Variants in KCNT1 observed in about 807,000 individuals in gnomAD.
The protein encoded by KCNT1 is potassium sodium-activated channel subfamily T member 1, also known as potassium channel subfamily T member 1.
KCNT1 carries 78 observed loss-of-function variants against 147.8 expected under a neutral mutation model. The observed-to-expected ratio is 0.53, with a 90% CI of 0.44 to 0.64. KCNT1 has a LOEUF of 0.64. Among genes scored for constraint, KCNT1 ranks in the 30% least tolerant of loss-of-function variants. The pLI is 0.00. For missense variants in KCNT1, 1,419 were observed against 1,750.3 expected, an observed-to-expected ratio of 0.81 and a Z score of 3.38; for synonymous variants, 867 against 748.8, an observed-to-expected ratio of 1.16 and a Z score of -2.58.
At chr9:135,780,750 G>T (rs558072369) in intron 24 of KCNT1, among the ~76,000 whole-genome samples, 2 of 152,220 alleles carry the variant, frequency 1.3e-5, no homozygotes, top group South Asian at 2.1e-4. Context: ...CGGCAGAGGG[G>T]TGTGCTCTGC....
chr9:135,726,982 TCTCTCTCC>T (rs1372948274), intron 2 of KCNT1, among the ~76,000 whole-genome samples: 1 of 120,554 alleles, frequency 8.3e-6, no homozygotes, highest in African/African-American at 3.2e-5. Context: ...TTTCCCATTC[TCTCTCTCC>T]CTCTCTCCCT....
chr9:135,724,642 C>T (rs1836057247), intron 2 of KCNT1, among the ~76,000 whole-genome samples: 1 of 152,372 alleles, frequency 6.6e-6, no homozygotes, highest in East Asian at 1.9e-4. Flanking sequence ...TGAATCATTT[C>T]CCAGTGGAAG....
intron 19 of KCNT1, 126 bp downstream of exon 19, chr9:135,773,075 G>A: frequency 4.9e-6 from 3 of 606,344 alleles, no homozygotes; most frequent in Non-Finnish European, 7.8e-6. Flanking sequence ...CAGCTCCGTG[G>A]AAGTCCTTGT....
chr9:135,761,645 G>T (rs10120884), intron 11 of KCNT1, among the ~76,000 whole-genome samples: 42,625 of 152,194 alleles, frequency 0.28, 6,717 homozygotes, highest in Non-Finnish European at 0.35. Context: ...TCCCTGGTCC[G>T]CCCCGGCCCA....
At chr9:135,704,572 C>T (rs1189145416) in intron 1 of KCNT1, among the ~76,000 whole-genome samples, 2 of 152,220 alleles carry the variant, frequency 1.3e-5, no homozygotes, top group African/African-American at 4.8e-5. Flanking sequence ...AGGGAGGGAC[C>T]AGTGGCCCTG....
intron 27 of KCNT1, 79 bp downstream of exon 27, chr9:135,784,968 T>C (rs1833928168): frequency 1.3e-6 from 2 of 1,551,348 alleles, no homozygotes; most frequent in African/African-American, 2.7e-5. Context: ...TTCCGGGGGC[T>C]GGGACTGTGG....
At position 135,777,452 on chromosome 9, in the gene KCNT1, C is replaced by A. The variant is rs746067661; in HGVS notation, c.2464C>A (p.Arg822=). The change falls in exon 21 of 31, where the codon CGG becomes AGG. Residue 822 remains arginine, a synonymous_variant. Transcript: ENST00000371757. ...NGLYNFIVPL[R]AYYRSRKELN... ...GCTGTACAACTTCATCGTGCCACTG[C>A]GGGCCTACTACAGATCCCGCAAGGA... 6.2e-7 allele frequency: 1 copy of A among 1,613,916 alleles called. No individual in the cohort carries two copies. Among genetic ancestry groups the A allele is most frequent in the African/African-American group, 1.3e-5 (1 of 74,904 alleles).
At chr9:135,786,039 T>TG (rs1161840574) in intron 28 of KCNT1, 158 bp from the exon 29 acceptor site, 3 of 637,802 alleles carry the variant, frequency 4.7e-6, no homozygotes, top group Non-Finnish European at 8.1e-6. Context: ...ACATGCACCC[T>TG]GGGGTCTGTC....
chr9:135,761,363 C>T (rs1831901117), intron 11 of KCNT1, among the ~76,000 whole-genome samples: 1 of 152,196 alleles, frequency 6.6e-6, no homozygotes, highest in African/African-American at 2.4e-5. Context: ...CCCCCACACC[C>T]TGCATTCTGC....
At chr9:135,761,962 G>T (rs1176944405) in intron 11 of KCNT1, among the ~76,000 whole-genome samples, 1 of 152,226 alleles carries the variant, frequency 6.6e-6, no homozygotes, top group Non-Finnish European at 1.5e-5. Context: ...TTCAAATAAA[G>T]CAGGAGCGAA....
chr9:135,791,997 G>T lies in KCNT1; in HGVS notation c.3588-44G>T, dbSNP rs1425435971. 15 of 1,602,870 alleles carry T rather than the reference G, an allele frequency of 9.4e-6. No individual in the cohort carries two copies. In the African/African-American group the frequency reaches 1.6e-4, roughly 17 times the overall value. ...CTCAGCAGAGGGCTGAGCAGGGGCTGCCCGGCCCACATCCACTCCAGGGTC... is the reference window on the plus strand; with the variant it reads ...CTCAGCAGAGGGCTGAGCAGGGGCTTCCCGGCCCACATCCACTCCAGGGTC... On this transcript the variant is annotated intron_variant, in intron 30 of 30. Transcript: ENST00000371757.
At chr9:135,724,807 C>T (rs750152548) in intron 2 of KCNT1, among the ~76,000 whole-genome samples, 21 of 152,248 alleles carry the variant, frequency 1.4e-4, no homozygotes, top group Admixed American at 5.9e-4. Flanking sequence ...ATGAAGGCCC[C>T]GGCCACCCAC....
chr9:135,775,895 C>T (rs183561706), intron 20 of KCNT1, among the ~76,000 whole-genome samples: 186 of 152,308 alleles, frequency 1.2e-3, no homozygotes, highest in African/African-American at 4.2e-3. Flanking sequence ...GTCTTAGCAA[C>T]TCCTTTCTCG....
At chr9:135,771,902 A>G (rs904905315) in intron 18 of KCNT1, among the ~76,000 whole-genome samples, 3 of 151,992 alleles carry the variant, frequency 2.0e-5, no homozygotes, top group South Asian at 2.1e-4. Context: ...GGCTGACCCT[A>G]TGGGGCACCC....
At chr9:135,721,339 G>A (rs1034934704) in intron 2 of KCNT1, among the ~76,000 whole-genome samples, 2 of 152,212 alleles carry the variant, frequency 1.3e-5, no homozygotes, top group Non-Finnish European at 2.9e-5. Flanking sequence ...TCTGCCCGGG[G>A]CCATCCTGCT....
At chr9:135,756,569 G>A (rs887931361) in intron 6 of KCNT1, among the ~76,000 whole-genome samples, 1 of 152,106 alleles carries the variant, frequency 6.6e-6, no homozygotes, top group African/African-American at 2.4e-5. Flanking sequence ...AGGGCAGCGG[G>A]ATAGCCGCTC....
chr9:135,712,938 G>A (rs1429626412), intron 1 of KCNT1, among the ~76,000 whole-genome samples: 8 of 152,194 alleles, frequency 5.3e-5, no homozygotes, highest in African/African-American at 1.7e-4. Context: ...GGGGAGCAGG[G>A]GTGGGGCCAG....
In KCNT1 at chr9:135,778,806, G is replaced by A. The variant is rs761134824; in HGVS notation, c.2713G>A (p.Val905Met). ...GGCGGACGCCAAGACCATCGTCAAC[G>A]TGCAGACCATGTTCCGGTGCGTCCA... is the stretch of plus-strand genomic sequence containing the variant. ...YMADAKTIVNVQTMFRLFPSL... is the reference protein window; with the variant it reads ...YMADAKTIVNMQTMFRLFPSL... The change falls in exon 23 of 31, where the codon GTG (valine) becomes ATG (methionine). Residue 905 changes from valine (V) to methionine (M), a missense_variant. By Grantham distance (21) the Val-to-Met change is conservative (BLOSUM62 1). Around this residue, in one of 5 missense-constraint regions of KCNT1, gnomAD observed 247 missense variants for 397.1 expected, o/e 0.62. Transcript: ENST00000371757. The A allele has an allele frequency of 1.1e-5, 17 of 1,613,714 alleles. No homozygotes were observed. In the South Asian group the frequency reaches 1.2e-4, roughly 11 times the overall value.
chr9:135,773,298 G>A (rs530490414), intron 19 of KCNT1, among the ~76,000 whole-genome samples: 1 of 152,280 alleles, frequency 6.6e-6, no homozygotes, highest in African/African-American at 2.4e-5. Context: ...AGAGGGGCCC[G>A]TTCCCACCCA....
Sources: allele counts gnomAD v4.1 joint callset (sites outside exome capture counted in the v4.1 genomes callset), GRCh38; gene constraint gnomAD v4.1.1; regional missense constraint gnomAD v4.1.1; transcripts MANE v1.5; gene names NCBI Gene and HGNC (gene_info 2026-07-23, HGNC 2026-07-21).